The following GAB1 variants were observed in gnomAD, a reference collection of about 807,000 sequenced individuals.
The protein encoded by GAB1 is GRB2 associated binding protein 1.
A neutral mutation model predicts 66.5 loss-of-function variants in GAB1; 19 were observed. That is an observed-to-expected ratio of 0.29 (90% CI 0.20 to 0.42). The LOEUF (loss-of-function observed/expected upper bound fraction) is 0.42. Among genes scored for constraint, GAB1 ranks in the 10% least tolerant of loss-of-function variants. The pLI, the probability that GAB1 is intolerant of heterozygous loss-of-function variation, is 1.00. For missense variants in GAB1, 732 were observed against 858.5 expected, an observed-to-expected ratio of 0.85 and a Z score of 1.84; for synonymous variants, 294 against 301.4, an observed-to-expected ratio of 0.98 and a Z score of 0.25.
intron 6 of GAB1, among the ~76,000 whole-genome samples, chr4:143,447,432 G>C (rs1217371825): frequency 2.0e-5 from 3 of 152,182 alleles, no homozygotes; most frequent in African/African-American, 7.2e-5. Flanking sequence ...GATGAGCATG[G>C]AATGTTCTTC....
intron 6 of GAB1, among the ~76,000 whole-genome samples, chr4:143,455,446 G>T (rs1365202012): frequency 6.6e-6 from 1 of 152,128 alleles, no homozygotes; most frequent in African/African-American, 2.4e-5. Flanking sequence ...AGATACTGGG[G>T]TAGCAAAGCT....
At chr4:143,377,990 G>T (rs1730486827) in intron 1 of GAB1, among the ~76,000 whole-genome samples, 1 of 152,132 alleles carries the variant, frequency 6.6e-6, no homozygotes, top group Non-Finnish European at 1.5e-5. Flanking sequence ...AGTACACGTG[G>T]TGGCAAAGTT....
chr4:143,469,262 G>A lies in GAB1; in HGVS notation c.*73G>A, dbSNP rs1735966895. 1.4e-6 allele frequency: 2 copies of A among 1,464,826 alleles called. No homozygotes were observed. The highest frequency in any genetic ancestry group is 1.9e-6 in the Non-Finnish European group (2 of 1,067,166). 90.7% of individuals were successfully genotyped at this position (1,464,826 alleles called of 1,614,324 possible). A position where few individuals can be genotyped will look rare whatever the true frequency, so the allele number is the denominator to read the frequency against. The stretch of plus-strand genomic sequence containing the variant: ...ATAAATCCCTTTTGAAGAATGACTT[G>A]ACACTTCCACTCTAGGTAGATCCTC... On this transcript the variant is annotated 3_prime_UTR_variant, in exon 10 of 10. Transcript: ENST00000262994.
At position 143,418,686 on chromosome 4, in the gene GAB1, C is replaced by CTTTT. The variant is rs202207177; in HGVS notation, c.367+2920_367+2923dup. On this transcript the variant is annotated intron_variant, in intron 2 of 9. Coordinates refer to ENST00000262994, the MANE Select transcript of GAB1 (RefSeq NM_002039.4). ...CATAGATGTTCTTCCACCTCTCTTA[C>CTTTT]TTTTTTTTACAATGCTCCTAAATAT... Among the ~76,000 whole-genome samples the CTTTT allele has an allele frequency of 1.2e-3, 177 of 148,526 alleles. 2 individuals carry two copies. Among genetic ancestry groups the CTTTT allele is most frequent in the African/African-American group, 4.0e-3 (163 of 41,246 alleles).
At chr4:143,403,351 A>G (rs538614448) in intron 1 of GAB1, among the ~76,000 whole-genome samples, 22 of 152,212 alleles carry the variant, frequency 1.4e-4, no homozygotes, top group African/African-American at 5.1e-4. Context: ...TTTTCAGTCC[A>G]TTGTATCTAT....
intron 1 of GAB1, among the ~76,000 whole-genome samples, chr4:143,402,483 A>G (rs912232484): frequency 1.3e-5 from 2 of 152,176 alleles, no homozygotes; most frequent in Admixed American, 6.5e-5. Context: ...TTTCACCAGC[A>G]TGTACAGTCT....
chr4:143,407,720 C>T (rs1732130803), intron 1 of GAB1, among the ~76,000 whole-genome samples: 1 of 152,126 alleles, frequency 6.6e-6, no homozygotes, highest in Non-Finnish European at 1.5e-5. Flanking sequence ...GAAACTTCCA[C>T]CGAGCCTGTT....
chr4:143,381,204 A>G (rs1242152524), intron 1 of GAB1, among the ~76,000 whole-genome samples: 3 of 152,164 alleles, frequency 2.0e-5, no homozygotes, highest in Admixed American at 1.3e-4. Flanking sequence ...TCTAGTTTTC[A>G]TCTGTAATAT....
intron 6 of GAB1, among the ~76,000 whole-genome samples, chr4:143,451,483 T>G (rs1429097377): frequency 6.6e-6 from 1 of 152,146 alleles, no homozygotes; most frequent in Non-Finnish European, 1.5e-5. Context: ...CACATAAACT[T>G]TAAGATTTAT....
At chr4:143,375,449 C>T (rs1730373854) in intron 1 of GAB1, among the ~76,000 whole-genome samples, 1 of 152,130 alleles carries the variant, frequency 6.6e-6, no homozygotes, top group Non-Finnish European at 1.5e-5. Flanking sequence ...GGTAAGGAGA[C>T]CATTCCATCT....
intron 1 of GAB1, among the ~76,000 whole-genome samples, chr4:143,371,248 GTGTGAGATGGTATCTCAT>G (rs1317795728): frequency 6.6e-6 from 1 of 152,024 alleles, no homozygotes; most frequent in Non-Finnish European, 1.5e-5. Flanking sequence ...ATTCTAACTG[GTGTGAGATGGTATCTCAT>G]TGTGGTTTTG....
chr4:143,361,090 G>C (rs1466081691), intron 1 of GAB1, among the ~76,000 whole-genome samples: 1 of 152,106 alleles, frequency 6.6e-6, no homozygotes, highest in African/African-American at 2.4e-5. Flanking sequence ...AGTTAAGCAG[G>C]GGGTTAAAAA....
intron 2 of GAB1, among the ~76,000 whole-genome samples, chr4:143,430,356 A>G (rs902043920): frequency 6.6e-6 from 1 of 152,260 alleles, no homozygotes; most frequent in Non-Finnish European, 1.5e-5. Flanking sequence ...TTAGAATTTT[A>G]GAAATCCCAT....
At chr4:143,433,178 T>C (rs568976033) in intron 2 of GAB1, among the ~76,000 whole-genome samples, 17 of 152,288 alleles carry the variant, frequency 1.1e-4, no homozygotes, top group Middle Eastern at 3.4e-3. Context: ...AAAGTATCTT[T>C]CTCTTCTGCT....
rs764478225 is a variant in GAB1, at chr4:143,438,093, C to A, written c.688C>A (p.His230Asn). 3 of 1,614,056 alleles carry A rather than the reference C, an allele frequency of 1.9e-6. No homozygotes were observed. Among genetic ancestry groups the A allele is most frequent in the Non-Finnish European group, 1.7e-6 (2 of 1,179,986 alleles). ...HKNPASSQSK[H>N]GMNGFFQQQM... ...AAATCCTGCTTCCTCCCAGAGCAAACATGGAATGAATGGCTTTTTTCAGCA... is the reference window on the plus strand; with the variant it reads ...AAATCCTGCTTCCTCCCAGAGCAAAAATGGAATGAATGGCTTTTTTCAGCA... The change falls in exon 4 of 10, where the codon CAT becomes AAT. Residue 230 changes from histidine (H) to asparagine (N), a missense_variant. Transcript: ENST00000262994.
intron 2 of GAB1, chr4:143,417,555 G>C (rs888314921): frequency 2.9e-5 from 8 of 275,430 alleles, no homozygotes; most frequent in Non-Finnish European, 4.3e-5. Flanking sequence ...TTACAGGTGT[G>C]CACCACCACA....
intron 6 of GAB1, among the ~76,000 whole-genome samples, chr4:143,452,301 AT>A (rs1377923908): frequency 1.3e-5 from 2 of 151,686 alleles, no homozygotes; most frequent in Non-Finnish European, 2.9e-5. Flanking sequence ...AAATTGTCTC[AT>A]TTTTTTTGAA....
intron 9 of GAB1, among the ~76,000 whole-genome samples, chr4:143,467,398 T>C (rs1324500209): frequency 6.6e-6 from 1 of 152,226 alleles, no homozygotes; most frequent in African/African-American, 2.4e-5. Context: ...TGCTGCCTTC[T>C]TTTTGGATTC....
intron 3 of GAB1, among the ~76,000 whole-genome samples, chr4:143,434,525 A>G (rs1346967054): frequency 1.3e-5 from 2 of 151,788 alleles, no homozygotes; most frequent in Non-Finnish European, 2.9e-5. Flanking sequence ...CTGGCTGGCT[A>G]ATTTTTTCTT....
Sources: gnomAD v4.1 joint callset for allele counts (sites outside exome capture counted in the v4.1 genomes callset) on GRCh38, gnomAD v4.1.1 for gene constraint, MANE v1.5 for transcripts, NCBI Gene and HGNC (gene_info 2026-07-23, HGNC 2026-07-21) for gene names.